Variants in GHR observed in about 807,000 individuals in gnomAD.
The protein encoded by GHR is growth hormone receptor.
A neutral mutation model predicts 67.1 loss-of-function variants in GHR; 35 were observed. The ratio of observed to expected loss-of-function variants is 0.52; its 90% CI spans 0.40 to 0.69. GHR has a LOEUF of 0.69. Among genes scored for constraint, GHR ranks in the 30% least tolerant of loss-of-function variants. GHR has a pLI of 0.00. For synonymous variants in GHR, 272 were observed against 269.1 expected (o/e 1.01, Z -0.10); for missense variants, 792 against 764.6 (o/e 1.04, Z -0.42).
chr5:42,443,263 G>A (rs909894703), intron 1 of GHR, among the ~76,000 whole-genome samples: 27 of 152,184 alleles, frequency 1.8e-4, no homozygotes, highest in Non-Finnish European at 1.5e-4. Flanking sequence ...ATTCATTAAT[G>A]TATTACTTGG....
intron 1 of GHR, among the ~76,000 whole-genome samples, chr5:42,457,524 G>A (rs940565453): frequency 6.6e-6 from 1 of 152,100 alleles, no homozygotes; most frequent in East Asian, 1.9e-4. Context: ...TGGTTTATAG[G>A]TGAGGAACAC....
intron 6 of GHR, among the ~76,000 whole-genome samples, chr5:42,704,628 T>C (rs1186091423): frequency 6.6e-6 from 1 of 152,048 alleles, no homozygotes; most frequent in Non-Finnish European, 1.5e-5. Flanking sequence ...GAAGGATTGG[T>C]GTTCCGGTGA....
At chr5:42,684,610 G>A (rs575835887) in intron 3 of GHR, among the ~76,000 whole-genome samples, 16 of 152,200 alleles carry the variant, frequency 1.1e-4, no homozygotes, top group African/African-American at 3.4e-4. Flanking sequence ...ATGTGGGCTC[G>A]TACACCTCAG....
At chr5:42,435,766 T>C (rs1016118650) in intron 1 of GHR, among the ~76,000 whole-genome samples, 2 of 152,224 alleles carry the variant, frequency 1.3e-5, no homozygotes, top group Non-Finnish European at 2.9e-5. Flanking sequence ...TGCTTTTGAT[T>C]TTATGATTTT....
At chr5:42,525,917 C>G (rs1382335933) in intron 1 of GHR, among the ~76,000 whole-genome samples, 2 of 152,190 alleles carry the variant, frequency 1.3e-5, no homozygotes, top group South Asian at 2.1e-4. Flanking sequence ...ACATGTGGAA[C>G]TGTAAGTCCA....
chr5:42,569,345 G>A (rs1750140399), intron 2 of GHR, among the ~76,000 whole-genome samples: 1 of 152,196 alleles, frequency 6.6e-6, no homozygotes, highest in African/African-American at 2.4e-5. Flanking sequence ...TTTGGCCAGG[G>A]TGTGTGGTAC....
intron 1 of GHR, among the ~76,000 whole-genome samples, chr5:42,486,897 G>A (rs1269147949): frequency 6.6e-6 from 1 of 151,548 alleles, no homozygotes; most frequent in Non-Finnish European, 1.5e-5. Context: ...ATGGATGTGA[G>A]TGGAAGAGAC....
chr5:42,592,209 A>G (rs1014534228), intron 2 of GHR, among the ~76,000 whole-genome samples: 2 of 152,142 alleles, frequency 1.3e-5, no homozygotes, highest in Non-Finnish European at 2.9e-5. Context: ...GGTGCTTGCA[A>G]GCTAGTTCTG....
At chr5:42,513,366 C>T (rs946229472) in intron 1 of GHR, among the ~76,000 whole-genome samples, 3 of 152,230 alleles carry the variant, frequency 2.0e-5, no homozygotes, top group Non-Finnish European at 4.4e-5. Context: ...TTCTCTCTCC[C>T]ATATAGAGGC....
intron 1 of GHR, among the ~76,000 whole-genome samples, chr5:42,563,675 G>T (rs1156979408): frequency 2.0e-5 from 3 of 150,964 alleles, no homozygotes; most frequent in African/African-American, 7.3e-5. Context: ...GGGCATGGTG[G>T]TGCACACCTA....
chr5:42,434,349 G>T (rs968666307), intron 1 of GHR, among the ~76,000 whole-genome samples: 2 of 152,220 alleles, frequency 1.3e-5, no homozygotes, highest in African/African-American at 4.8e-5. Context: ...GAACTGGAAA[G>T]AGTTGTAGGC....
At chr5:42,437,529 ATATT>A (rs375521431) in intron 1 of GHR, among the ~76,000 whole-genome samples, 23,975 of 147,894 alleles carry the variant, frequency 0.16, 2,191 homozygotes, top group Middle Eastern at 0.27. Flanking sequence ...TATTATTTTT[ATATT>A]TATTTATTTA....
chr5:42,597,108 C>T (rs1279723597), intron 2 of GHR, among the ~76,000 whole-genome samples: 2 of 152,104 alleles, frequency 1.3e-5, no homozygotes, highest in Non-Finnish European at 2.9e-5. Flanking sequence ...AAGGGGGGCT[C>T]TGGCTTGTAG....
intron 3 of GHR, among the ~76,000 whole-genome samples, chr5:42,639,903 AAT>A (rs1754382242): frequency 6.6e-6 from 1 of 152,180 alleles, no homozygotes; most frequent in Non-Finnish European, 1.5e-5. Context: ...TTATTAGGTG[AAT>A]ATCATACTAA....
chr5:42,600,528 C>T (rs937579985), intron 2 of GHR, among the ~76,000 whole-genome samples: 2 of 152,220 alleles, frequency 1.3e-5, no homozygotes, highest in African/African-American at 4.8e-5. Context: ...CTGAGGCAAT[C>T]CCTCAAAGGA....
At chr5:42,461,231 T>C (rs1744475917) in intron 1 of GHR, among the ~76,000 whole-genome samples, 1 of 152,204 alleles carries the variant, frequency 6.6e-6, no homozygotes, top group Non-Finnish European at 1.5e-5. Flanking sequence ...TTTGCCCTCC[T>C]CAACCCTAAA....
At chr5:42,459,671 GAAA>G (rs75326296) in intron 1 of GHR, among the ~76,000 whole-genome samples, 1 of 150,830 alleles carries the variant, frequency 6.6e-6, no homozygotes, top group Admixed American at 6.6e-5. Context: ...AAAGTTAAAA[GAAA>G]AAAAAATGAT....
chr5:42,692,802 G>T (rs1233722216), intron 4 of GHR, among the ~76,000 whole-genome samples: 1 of 151,992 alleles, frequency 6.6e-6, no homozygotes, highest in Admixed American at 6.6e-5. Flanking sequence ...CTACATCTTT[G>T]GAATATCTTA....
intron 1 of GHR, among the ~76,000 whole-genome samples, chr5:42,515,516 G>C (rs748233281): frequency 6.6e-6 from 1 of 152,242 alleles, no homozygotes; most frequent in Non-Finnish European, 1.5e-5. Context: ...GAGGAAAGAA[G>C]AGTAATGGTC....
Sources: allele counts gnomAD v4.1 joint callset (sites outside exome capture counted in the v4.1 genomes callset), GRCh38; gene constraint gnomAD v4.1.1; transcripts MANE v1.5; gene names NCBI Gene and HGNC (gene_info 2026-07-23, HGNC 2026-07-21).